EDA: variants seen among roughly 807,000 people sequenced by gnomAD.
The protein encoded by EDA is ectodysplasin-A.
EDA carries 2 observed loss-of-function variants against 23.6 expected under a neutral mutation model. The ratio of observed to expected loss-of-function variants is 0.08; its 90% CI spans 0.03 to 0.27. The LOEUF (loss-of-function observed/expected upper bound fraction) is 0.27, where lower values mean the gene tolerates loss of function less well. EDA is among the 10% of genes least tolerant of loss of function. EDA has a pLI of 1.00. For missense variants in EDA, 229 were observed against 324.2 expected, an observed-to-expected ratio of 0.71 and a Z score of 2.26; for synonymous variants, 131 against 132.0, an observed-to-expected ratio of 0.99 and a Z score of 0.05.
At chrX:69,822,884 C>A (rs2147520328) in intron 1 of EDA, among the ~76,000 whole-genome samples, 1 of 86,809 alleles carries the variant, frequency 1.2e-5, no homozygotes, top group African/African-American at 4.3e-5. Flanking sequence ...GTGTGATGTT[C>A]CCCTTCCTGT....
chrX:69,811,796 G>T (rs1279696072), intron 1 of EDA, among the ~76,000 whole-genome samples: 12 of 112,285 alleles, frequency 1.1e-4, no homozygotes, highest in Admixed American at 3.8e-4. Flanking sequence ...TCAGTGAAGA[G>T]AATGGCAAGT....
intron 1 of EDA, among the ~76,000 whole-genome samples, chrX:69,764,534 C>T (rs1488532825): frequency 9.1e-6 from 1 of 110,441 alleles, no homozygotes; most frequent in East Asian, 2.9e-4. Context: ...TGAGCCACCG[C>T]ACCCTGCCCG....
intron 1 of EDA, among the ~76,000 whole-genome samples, chrX:69,807,989 G>A (rs1378887054): frequency 1.8e-5 from 2 of 111,195 alleles, no homozygotes; most frequent in African/African-American, 6.5e-5. Context: ...TTTACAAGTG[G>A]GCATAAGGAA....
At chrX:69,812,706 G>C (rs955530124) in intron 1 of EDA, among the ~76,000 whole-genome samples, 1 of 111,608 alleles carries the variant, frequency 9.0e-6, no homozygotes, top group Admixed American at 9.5e-5. Flanking sequence ...CCTTTACTAG[G>C]TATTCTTCAC....
At chrX:69,831,460 A>T (rs893890061) in intron 1 of EDA, among the ~76,000 whole-genome samples, 1 of 112,567 alleles carries the variant, frequency 8.9e-6, no homozygotes, top group South Asian at 3.6e-4. Context: ...TCTATCATTG[A>T]TGGACATTTG....
At chrX:70,008,732 G>C (rs972612818) in intron 2 of EDA, among the ~76,000 whole-genome samples, 1 of 110,770 alleles carries the variant, frequency 9.0e-6, no homozygotes, top group East Asian at 2.8e-4. Context: ...AGATTTGGGG[G>C]TACATGTGCA....
At chrX:69,633,434 G>T (rs1932678518) in intron 1 of EDA, among the ~76,000 whole-genome samples, 1 of 111,809 alleles carries the variant, frequency 8.9e-6, no homozygotes, top group African/African-American at 3.3e-5. Context: ...ACAGAGTTGT[G>T]CAACTGTGAC....
At chrX:69,824,210 A>G (rs1346047023) in intron 1 of EDA, among the ~76,000 whole-genome samples, 1 of 110,733 alleles carries the variant, frequency 9.0e-6, no homozygotes, top group Non-Finnish European at 1.9e-5. Flanking sequence ...TGAACTTTAA[A>G]GTAGTTTTTT....
chrX:69,854,607 G>T (rs1213893926), intron 1 of EDA, among the ~76,000 whole-genome samples: 2 of 111,826 alleles, frequency 1.8e-5, no homozygotes, highest in African/African-American at 6.5e-5. Context: ...AAGGCTTCCA[G>T]CTCCATCCAT....
At chrX:69,878,439 G>A (rs2017682729) in intron 1 of EDA, among the ~76,000 whole-genome samples, 1 of 112,512 alleles carries the variant, frequency 8.9e-6, no homozygotes, top group African/African-American at 3.2e-5. Context: ...GAGCTCAACA[G>A]CCATCTCAGA....
Position 69,863,042 on chromosome X carries a change from G to GAAA in EDA, c.397-93973_397-93971dup, listed in dbSNP as rs59012644. Among the ~76,000 whole-genome samples the GAAA allele has an allele frequency of 3.8e-3, 352 of 92,976 alleles. 2 individuals are homozygous for GAAA. Among genetic ancestry groups the GAAA allele is most frequent in the Non-Finnish European group, 6.2e-3 (290 of 47,153 alleles). The allele number at this position is 92,976 out of a possible 115,157, so 80.7% of individuals were successfully genotyped here. A position where few individuals can be genotyped will look rare whatever the true frequency, so the allele number is the denominator to read the frequency against. ...GAAAGAAAATAGATCTTTATTTTCT[G>GAAA]AAAAAAAAAAAAAATAGATGAATAT... On this transcript the variant is annotated intron_variant, in intron 1 of 7. Coordinates refer to ENST00000374552, the MANE Select transcript of EDA (RefSeq NM_001399.5).
intron 1 of EDA, among the ~76,000 whole-genome samples, chrX:69,728,089 A>G (rs2012873970): frequency 9.1e-6 from 1 of 110,391 alleles, no homozygotes; most frequent in African/African-American, 3.3e-5. Context: ...TACTAAAAAT[A>G]CAAAAATTAG....
At chrX:70,028,391 G>A (rs1013647924) in intron 4 of EDA, among the ~76,000 whole-genome samples, 1 of 111,999 alleles carries the variant, frequency 8.9e-6, no homozygotes, top group Non-Finnish European at 1.9e-5. Flanking sequence ...GTGGGGAATA[G>A]ATGTAATCTT....
At chrX:69,964,194 G>A (rs2019142949) in intron 2 of EDA, among the ~76,000 whole-genome samples, 2 of 111,483 alleles carry the variant, frequency 1.8e-5, no homozygotes, top group Non-Finnish European at 3.8e-5. Context: ...GATGACCTTA[G>A]GAAAGTCTTA....
At chrX:69,667,181 G>A (rs1328797886) in intron 1 of EDA, among the ~76,000 whole-genome samples, 21 of 100,952 alleles carry the variant, frequency 2.1e-4, no homozygotes, top group East Asian at 3.2e-4. Context: ...GCAGTGGTGC[G>A]ATCTTGGCTC....
intron 2 of EDA, among the ~76,000 whole-genome samples, chrX:69,998,646 A>G (rs1402249581): frequency 9.0e-6 from 1 of 111,692 alleles, no homozygotes; most frequent in Non-Finnish European, 1.9e-5. Context: ...CCTCACCCAA[A>G]TCTCATCTTG....
At chrX:69,766,022 C>T (rs931255588) in intron 1 of EDA, among the ~76,000 whole-genome samples, 1 of 111,417 alleles carries the variant, frequency 9.0e-6, no homozygotes, top group South Asian at 3.7e-4. Flanking sequence ...AGCACGATAC[C>T]CTTGAGATTT....
chrX:69,824,934 T>C (rs2016367209), intron 1 of EDA, among the ~76,000 whole-genome samples: 1 of 82,638 alleles, frequency 1.2e-5, no homozygotes, highest in Non-Finnish European at 2.3e-5. Context: ...TCAAAGGCCT[T>C]TTCTGCATCT....
At chrX:69,859,939 ATCT>A (rs1231609417) in intron 1 of EDA, among the ~76,000 whole-genome samples, 6 of 109,481 alleles carry the variant, frequency 5.5e-5, no homozygotes, top group Non-Finnish European at 9.5e-5. Context: ...GGATAGTTAG[ATCT>A]TCTTTTTCAA....
Sources: allele counts gnomAD v4.1 joint callset (sites outside exome capture counted in the v4.1 genomes callset), GRCh38; gene constraint gnomAD v4.1.1; transcripts MANE v1.5; gene names NCBI Gene and HGNC (gene_info 2026-07-23, HGNC 2026-07-21).